The following BMPR1A variants were observed in gnomAD, a reference collection of about 807,000 sequenced individuals.
BMPR1A encodes the protein bone morphogenetic protein receptor type 1A.
In BMPR1A, 7 loss-of-function variants were observed where a neutral mutation model predicts 66.0. The ratio of observed to expected loss-of-function variants is 0.11; its 90% CI spans 0.06 to 0.20. The LOEUF (loss-of-function observed/expected upper bound fraction) is 0.20, where lower values mean the gene tolerates loss of function less well. Among genes scored for constraint, BMPR1A ranks in the 10% least tolerant of loss-of-function variants. The pLI is 1.00. For missense variants in BMPR1A, 408 were observed against 669.1 expected (o/e 0.61, Z 4.31); for synonymous variants, 200 against 229.7 (o/e 0.87, Z 1.17).
intron 9 of BMPR1A, among the ~76,000 whole-genome samples, chr10:86,918,583 A>G (rs1843610243): frequency 6.6e-6 from 1 of 151,232 alleles, no homozygotes; most frequent in African/African-American, 2.4e-5. Context: ...TCTCCAGGTT[A>G]TTTGTATAAT....
chr10:86,904,048 C>T (rs758485033), intron 7 of BMPR1A, among the ~76,000 whole-genome samples: 7 of 152,156 alleles, frequency 4.6e-5, no homozygotes, highest in African/African-American at 1.4e-4. Context: ...GGATTACAGG[C>T]GTGTACCACC....
At chr10:86,897,977 T>A (rs1462095596) in intron 5 of BMPR1A, among the ~76,000 whole-genome samples, 1 of 152,196 alleles carries the variant, frequency 6.6e-6, no homozygotes, top group Non-Finnish European at 1.5e-5. Context: ...GTTCACAAAG[T>A]GAACAACTGG....
At chr10:86,870,746 A>G (rs1842844772) in intron 2 of BMPR1A, among the ~76,000 whole-genome samples, 1 of 151,802 alleles carries the variant, frequency 6.6e-6, no homozygotes, top group African/African-American at 2.4e-5. Context: ...GAAGTATAGC[A>G]TGAGTCCATC....
chr10:86,804,383 G>A (rs1175592513), intron 1 of BMPR1A, among the ~76,000 whole-genome samples: 1 of 152,016 alleles, frequency 6.6e-6, no homozygotes, highest in East Asian at 1.9e-4. Flanking sequence ...GGGACTACAG[G>A]CACCCACCAC....
intron 1 of BMPR1A, among the ~76,000 whole-genome samples, chr10:86,775,337 G>A (rs1841329029): frequency 6.6e-6 from 1 of 152,168 alleles, no homozygotes; most frequent in Non-Finnish European, 1.5e-5. Context: ...CTGCTTGTCA[G>A]TTTCTTGTCC....
At chr10:86,824,902 C>T (rs1188329955) in intron 1 of BMPR1A, among the ~76,000 whole-genome samples, 1 of 151,944 alleles carries the variant, frequency 6.6e-6, no homozygotes, top group East Asian at 1.9e-4. Context: ...GAATTGATTC[C>T]ACCCTTACTA....
chr10:86,899,440 G>C (rs1250927604), intron 5 of BMPR1A, among the ~76,000 whole-genome samples: 1 of 152,138 alleles, frequency 6.6e-6, no homozygotes, highest in Admixed American at 6.6e-5. Flanking sequence ...CCTTTTCTTT[G>C]GACTACGACA....
intron 2 of BMPR1A, among the ~76,000 whole-genome samples, chr10:86,863,793 A>ATGCCT (rs1200886350): frequency 7.3e-4 from 111 of 152,284 alleles, no homozygotes; most frequent in Admixed American, 1.1e-3. Flanking sequence ...TGCTTAGTGT[A>ATGCCT]AGAGCCTCTA....
intron 5 of BMPR1A, among the ~76,000 whole-genome samples, chr10:86,897,670 A>C (rs1214433299): frequency 6.6e-6 from 1 of 152,158 alleles, no homozygotes; most frequent in African/African-American, 2.4e-5. Flanking sequence ...GCAGTGGTGC[A>C]ATCACAGCTC....
intron 7 of BMPR1A, among the ~76,000 whole-genome samples, chr10:86,900,442 G>GTTTT (rs1843293006): frequency 1.4e-5 from 2 of 146,700 alleles, no homozygotes; most frequent in African/African-American, 2.5e-5. Flanking sequence ...TTTTTTTTGC[G>GTTTT]TTATAATTCT....
intron 1 of BMPR1A, among the ~76,000 whole-genome samples, chr10:86,790,572 A>G (rs999314802): frequency 2.6e-5 from 4 of 152,150 alleles, no homozygotes; most frequent in Non-Finnish European, 5.9e-5. Flanking sequence ...AGATAAACAA[A>G]ATGTGGTCTG....
At chr10:86,911,226 A>C (rs1005977379) in intron 7 of BMPR1A, among the ~76,000 whole-genome samples, 2 of 151,972 alleles carry the variant, frequency 1.3e-5, no homozygotes, top group African/African-American at 4.8e-5. Context: ...AGGTTGTCTT[A>C]AGAGACAAAA....
At chr10:86,812,828 C>T (rs1217827617) in intron 1 of BMPR1A, among the ~76,000 whole-genome samples, 2 of 152,046 alleles carry the variant, frequency 1.3e-5, no homozygotes, top group Admixed American at 6.6e-5. Flanking sequence ...AGTCTTTAGG[C>T]TTCATTAGGG....
intron 3 of BMPR1A, among the ~76,000 whole-genome samples, chr10:86,883,993 G>C (rs1843030741): frequency 6.6e-6 from 1 of 151,552 alleles, no homozygotes; most frequent in South Asian, 2.1e-4. Flanking sequence ...TCCTGCCTCA[G>C]CCTGCTGAGT....
intron 1 of BMPR1A, among the ~76,000 whole-genome samples, chr10:86,836,534 A>G (rs1214468840): frequency 6.6e-6 from 1 of 152,196 alleles, no homozygotes; most frequent in Non-Finnish European, 1.5e-5. Context: ...ACAGTGGCTC[A>G]TGCCTGTAAT....
intron 1 of BMPR1A, among the ~76,000 whole-genome samples, chr10:86,815,863 A>T (rs1842030249): frequency 6.6e-6 from 1 of 152,176 alleles, no homozygotes; most frequent in Non-Finnish European, 1.5e-5. Flanking sequence ...GATGCTGGCC[A>T]GTGGACTTTG....
chr10:86,816,643 G>A (rs557784333), intron 1 of BMPR1A, among the ~76,000 whole-genome samples: 1 of 152,278 alleles, frequency 6.6e-6, no homozygotes, highest in African/African-American at 2.4e-5. Context: ...ACTGACAATT[G>A]GAGTTATACA....
At chr10:86,859,465 C>T (rs546097039) in intron 2 of BMPR1A, among the ~76,000 whole-genome samples, 5 of 152,038 alleles carry the variant, frequency 3.3e-5, no homozygotes, top group Middle Eastern at 6.8e-3. Context: ...CATTAGCGCC[C>T]AGCTAAATAC....
chr10:86,769,544 G>A (rs1030799330), intron 1 of BMPR1A, among the ~76,000 whole-genome samples: 4 of 152,220 alleles, frequency 2.6e-5, no homozygotes, highest in African/African-American at 9.6e-5. Context: ...GAAAGCCCTA[G>A]GCATTAGTGG....
Sources: allele counts gnomAD v4.1 joint callset (sites outside exome capture counted in the v4.1 genomes callset), GRCh38; gene constraint gnomAD v4.1.1; transcripts MANE v1.5; gene names NCBI Gene and HGNC (gene_info 2026-07-23, HGNC 2026-07-21).